RLBP1: variants seen among roughly 807,000 people sequenced by gnomAD.
The protein encoded by RLBP1 is retinaldehyde-binding protein 1.
A neutral mutation model predicts 36.2 loss-of-function variants in RLBP1; 26 were observed. The observed-to-expected ratio is 0.72, with a 90% CI of 0.53 to 1.00. The LOEUF (loss-of-function observed/expected upper bound fraction) is 1.00, where lower values mean the gene tolerates loss of function less well. Among genes scored for constraint, RLBP1 ranks in the 50% least tolerant of loss-of-function variants. The probability of loss-of-function intolerance (pLI) is 0.00; values close to 1 mark genes in which losing one functional copy is unlikely to be tolerated. For synonymous variants in RLBP1, 155 were observed against 156.2 expected (o/e 0.99, Z 0.06); for missense variants, 410 against 402.4 (o/e 1.02, Z -0.16).
In RLBP1 at chr15:89,217,260, A is replaced by G. The variant is rs747494175; in HGVS notation, c.206T>C (p.Met69Thr). ...REEAVRELQEMVQAQAASGEE... is the reference protein window; with the variant it reads ...REEAVRELQETVQAQAASGEE... ...CCCCGAGGCCGCCTGCGCCTGCACC[A>G]TCTCCTGCAGCTCTCGCACTGCCTC... Residue 69 changes from methionine (M) to threonine (T), a missense_variant, in exon 5 of 9, where the codon ATG becomes ACG. Physicochemically the swap from Met to Thr is moderately conservative, Grantham distance 81 (BLOSUM62 -1). Transcript: ENST00000268125. 8 of 1,610,912 alleles carry G rather than the reference A, an allele frequency of 5.0e-6. No individual in the cohort carries two copies. The highest frequency in any genetic ancestry group is 1.7e-5 in the Admixed American group (1 of 60,008).
At position 89,217,216 on chromosome 15, in the gene RLBP1, C is replaced by A; in HGVS notation, c.250G>T (p.Val84Leu). The part of the protein sequence containing the change: ...AASGEELAVA[V>L]AERVQEKDSG... ...TCCTTCTCTTGCACCCTCTCCGCCA[C>A]GGCCACCGCCAGCTCCTCCCCCGAG... is the stretch of plus-strand genomic sequence containing the variant. The change falls in exon 5 of 9, where the codon GTG becomes TTG. Residue 84 changes from valine (V) to leucine (L), a missense_variant. By Grantham distance (32) the Val-to-Leu change is conservative. Transcript: ENST00000268125. 6.2e-7 allele frequency: 1 copy of A among 1,613,240 alleles called. No individual in the cohort carries two copies.
intron 5 of RLBP1, among the ~76,000 whole-genome samples, chr15:89,216,461 T>C (rs1480391119): frequency 6.6e-6 from 1 of 152,244 alleles, no homozygotes; most frequent in Non-Finnish European, 1.5e-5. Flanking sequence ...TAGCTGAGAT[T>C]ACAGGCATGC....
intron 4 of RLBP1, 145 bp from the exon 5 acceptor site, chr15:89,217,469 G>T (rs1389751723): frequency 2.7e-6 from 2 of 749,004 alleles, no homozygotes; most frequent in Non-Finnish European, 4.6e-6. Context: ...TGCCCCAGGG[G>T]CAGCATCTGC....
chr15:89,210,663 C>A lies in RLBP1; in HGVS notation c.795+36G>T. 6.8e-7 allele frequency: 1 copy of A among 1,471,222 alleles called. No homozygotes were observed. The highest frequency in any genetic ancestry group is 2.4e-5 in the East Asian group (1 of 41,702). 91.1% of individuals were successfully genotyped at this position (1,471,222 alleles called of 1,614,324 possible). A position where few individuals can be genotyped will look rare whatever the true frequency, so the allele number is the denominator to read the frequency against. ...CTCAGGTGAGGCCCCACCCTCAGCC[C>A]TCTTGTCTCATTGTCTGGGCGGCCC... On this transcript the variant is annotated intron_variant, in intron 8 of 8. Coordinates refer to ENST00000268125, the MANE Select transcript of RLBP1 (RefSeq NM_000326.5). This position sits in a 1 kb window ranked among gnomAD's most constrained non-coding sequence, Gnocchi z 4.7.
chr15:89,218,888 A>AAGG lies in RLBP1; in HGVS notation c.12+73_12+75dup. 1.3e-6 allele frequency: 2 copies of AAGG among 1,559,940 alleles called. No homozygotes were observed. The highest frequency in any genetic ancestry group is 2.3e-5 in the South Asian group (2 of 88,854). Reference sequence around the variant, plus strand: ...CGGGCAGAGCATAAGATAGAGAAGTAAGGAGGGAGGGAGAGGGAAGAGAGA... The same window carrying AAGG: ...CGGGCAGAGCATAAGATAGAGAAGTAAGGAGGAGGGAGGGAGAGGGAAGAGAGA... On this transcript the variant is annotated intron_variant, in intron 3 of 8. Coordinates refer to ENST00000268125, the MANE Select transcript of RLBP1 (RefSeq NM_000326.5). The surrounding 1 kb of genome is among the most constrained non-coding windows in gnomAD (Gnocchi z 4.6).
chr15:89,219,972 T>A (rs191946598), intron 1 of RLBP1, 113 bp from the exon 2 acceptor site: 1 of 152,384 alleles, frequency 6.6e-6, no homozygotes, highest in East Asian at 1.9e-4. Flanking sequence ...CCAGTGGGTA[T>A]TTTTGGAGAC....
intron 6 of RLBP1, among the ~76,000 whole-genome samples, chr15:89,212,320 G>T (rs780623514): frequency 2.6e-4 from 40 of 152,092 alleles, no homozygotes; most frequent in Admixed American, 2.6e-4. Flanking sequence ...GGTGGCTCAC[G>T]CCTATAATCC....
rs764227006 is a variant in RLBP1 at position 89,217,192 on chromosome 15, CCTT to C, written c.271_273del (p.Lys91del). ...ATGAAGCGCAGGAAGAAGCCGCTGT[CCTT>C]CTCTTGCACCCTCTCCGCCACGGCC... is the stretch of plus-strand genomic sequence containing the variant. On this transcript the variant is annotated inframe_deletion, in exon 5 of 9. Coordinates refer to ENST00000268125, the MANE Select transcript of RLBP1 (RefSeq NM_000326.5). The C allele has an allele frequency of 2.5e-6, 4 of 1,613,974 alleles. No individual in the cohort carries two copies. Among genetic ancestry groups the C allele is most frequent in the South Asian group, 2.2e-5 (2 of 91,086 alleles).
intron 1 of RLBP1, among the ~76,000 whole-genome samples, chr15:89,220,357 C>T (rs372266251): frequency 6.1e-4 from 93 of 152,282 alleles, no homozygotes; most frequent in African/African-American, 1.9e-3. Context: ...ACAGTACCTA[C>T]CAAAAAGAAC....
rs2051528439 is a variant in RLBP1 at position 89,210,505 on chromosome 15, G to A, written c.796-62C>T. 7.6e-6 allele frequency: 12 copies of A among 1,571,754 alleles called. No homozygotes were observed. The highest frequency in any genetic ancestry group is 9.6e-6 in the Non-Finnish European group (11 of 1,142,876). ...GAGGTGCCCTAAGGATGAGGGTTGA[G>A]GGAGGAAAGGGGCAGGAGGACAAAG... On this transcript the variant is annotated intron_variant, in intron 8 of 8. Transcript: ENST00000268125. This position sits in a 1 kb window ranked among gnomAD's most constrained non-coding sequence, Gnocchi z 4.7.
At chr15:89,216,671 G>A (rs183832591) in intron 5 of RLBP1, among the ~76,000 whole-genome samples, 2 of 152,288 alleles carry the variant, frequency 1.3e-5, no homozygotes, top group Non-Finnish European at 2.9e-5. Flanking sequence ...GTGCCAGAGC[G>A]GTTCTGTCCC....
chr15:89,213,534 TTAATACC>T (rs1205926902), intron 6 of RLBP1, among the ~76,000 whole-genome samples: 1 of 152,110 alleles, frequency 6.6e-6, no homozygotes, highest in African/African-American at 2.4e-5. Flanking sequence ...GACAACAAAA[TTAATACC>T]TAAGACAAAT....
Position 89,218,522 on chromosome 15 carries a change from T to A in RLBP1, c.141+43A>T. 1 of 1,613,820 alleles carries A rather than the reference T, an allele frequency of 6.2e-7. No individual in the cohort carries two copies. The highest frequency in any genetic ancestry group is 8.5e-7 in the Non-Finnish European group (1 of 1,179,870). On this transcript the variant is annotated intron_variant, in intron 4 of 8. Coordinates refer to ENST00000268125, the MANE Select transcript of RLBP1 (RefSeq NM_000326.5). The surrounding 1 kb of genome is among the most constrained non-coding windows in gnomAD (Gnocchi z 4.6). ...GAATGCAGTCATGTTCCCCTCATGT[T>A]GCCTCCCTAGGCTGCTCCTCTCCGC...
chr15:89,210,084 T>A lies in RLBP1; in HGVS notation c.*201A>T. 1.6e-6 allele frequency: 1 copy of A among 614,038 alleles called. No homozygotes were observed. The highest frequency in any genetic ancestry group is 2.9e-6 in the Non-Finnish European group (1 of 344,834). The allele number at this position is 614,038 out of a possible 1,614,324, so 38.0% of individuals were successfully genotyped here. ...AGGTGGAAATATAACTATCCCCAGTTCTTCTTGTTCAAGGGAATTCCCCCT... is the reference window on the plus strand; with the variant it reads ...AGGTGGAAATATAACTATCCCCAGTACTTCTTGTTCAAGGGAATTCCCCCT... On this transcript the variant is annotated 3_prime_UTR_variant, in exon 9 of 9. Coordinates refer to ENST00000268125, the MANE Select transcript of RLBP1 (RefSeq NM_000326.5). This position sits in a 1 kb window ranked among gnomAD's most constrained non-coding sequence, Gnocchi z 4.7.
At chr15:89,219,275 G>A (rs1430481847) in intron 2 of RLBP1, among the ~76,000 whole-genome samples, 200 bp from the exon 3 acceptor site, 1 of 152,194 alleles carries the variant, frequency 6.6e-6, no homozygotes, top group Non-Finnish European at 1.5e-5. Context: ...TGAGGGAGAT[G>A]GTTCTTGGGC....
In RLBP1 at chr15:89,210,823, G is replaced by A; in HGVS notation, c.685-14C>T. On this transcript the variant is annotated splice_polypyrimidine_tract_variant and intron_variant, in intron 7 of 8. Coordinates refer to ENST00000268125, the MANE Select transcript of RLBP1 (RefSeq NM_000326.5). The surrounding 1 kb of genome is among the most constrained non-coding windows in gnomAD (Gnocchi z 4.7). ...TGGGAAGGAATCCTGCGGTGACAGA[G>A]AGATACCCCGTTCCCCATGGCCCCA... The A allele has an allele frequency of 6.5e-7, 1 of 1,540,444 alleles. No individual in the cohort carries two copies. Among genetic ancestry groups the A allele is most frequent in the Non-Finnish European group, 8.8e-7 (1 of 1,130,940 alleles).
At position 89,215,994 on chromosome 15, in the gene RLBP1, C is replaced by A. The variant is rs2051576663; in HGVS notation, c.347-756G>T. 3.3e-5 allele frequency among the ~76,000 whole-genome samples: 5 copies of A among 152,336 alleles called. No homozygotes were observed. In the South Asian group the frequency reaches 1.0e-3, roughly 32 times the overall value. The stretch of plus-strand genomic sequence containing the variant: ...CTGGCCACTTTATCTAAAACTTCAG[C>A]CCCTCAAGACTTTATATCCACCTCC... On this transcript the variant is annotated intron_variant, in intron 5 of 8. Transcript: ENST00000268125.
chr15:89,211,937 C>G lies in RLBP1; in HGVS notation c.526-36G>C, dbSNP rs1367965788. On this transcript the variant is annotated intron_variant, in intron 6 of 8. Coordinates refer to ENST00000268125, the MANE Select transcript of RLBP1 (RefSeq NM_000326.5). This position sits in a 1 kb window ranked among gnomAD's most constrained non-coding sequence, Gnocchi z 5.8. ...GAGAGAACAGGCTGTAAGATCTAACCCGCAACAATAATTAAGGCTTGAGGT... is the reference window on the plus strand; with the variant it reads ...GAGAGAACAGGCTGTAAGATCTAACGCGCAACAATAATTAAGGCTTGAGGT... The G allele has an allele frequency of 6.2e-7, 1 of 1,611,922 alleles. No homozygotes were observed. Among genetic ancestry groups the G allele is most frequent in the Non-Finnish European group, 8.5e-7 (1 of 1,178,626 alleles).
chr15:89,210,335 C>T lies in RLBP1; in HGVS notation c.904G>A (p.Ala302Thr), dbSNP rs747740129. Residue 302 changes from alanine (A) to threonine (T), a missense_variant, in exon 9 of 9, where the codon GCT (alanine) becomes ACT (threonine). Coordinates refer to ENST00000268125, the MANE Select transcript of RLBP1 (RefSeq NM_000326.5). This position sits in a 1 kb window ranked among gnomAD's most constrained non-coding sequence, Gnocchi z 4.7. ...TLPKYDGKAV[A>T]EQLFGPQAQA... is the part of the protein sequence containing the mutation. ...GCCTGGGGGCCAAAGAGCTGCTCAG[C>T]AACGGCCTTGCCATCATACTTGGGC... The T allele has an allele frequency of 6.2e-7, 1 of 1,614,226 alleles. No individual in the cohort carries two copies. Among genetic ancestry groups the T allele is most frequent in the Non-Finnish European group, 8.5e-7 (1 of 1,180,052 alleles).
Sources: gnomAD v4.1 joint callset for allele counts (sites outside exome capture counted in the v4.1 genomes callset) on GRCh38, gnomAD v4.1.1 for gene constraint, Gnocchi (gnomAD v3.1) non-coding constraint, MANE v1.5 for transcripts, NCBI Gene and HGNC (gene_info 2026-07-23, HGNC 2026-07-21) for gene names.